Variants in ITFG1 observed in about 807,000 individuals in gnomAD.
The protein encoded by ITFG1 is T-cell immunomodulatory protein.
A neutral mutation model predicts 81.8 loss-of-function variants in ITFG1; 34 were observed. The observed-to-expected ratio is 0.42, with a 90% CI of 0.32 to 0.55. The LOEUF (loss-of-function observed/expected upper bound fraction) is 0.55. Among genes scored for constraint, ITFG1 ranks in the 20% least tolerant of loss-of-function variants. The pLI, the probability that ITFG1 is intolerant of heterozygous loss-of-function variation, is 0.17. For synonymous variants in ITFG1, 285 were observed against 270.6 expected (o/e 1.05, Z -0.52); for missense variants, 672 against 755.4 (o/e 0.89, Z 1.29).
chr16:47,338,685 G>C (rs1309558859), intron 8 of ITFG1, among the ~76,000 whole-genome samples: 1 of 148,036 alleles, frequency 6.8e-6, no homozygotes, highest in Non-Finnish European at 1.5e-5. Context: ...TTTAATTTTT[G>C]TGGGTACATA....
chr16:47,355,661 T>C (rs914229461), intron 8 of ITFG1, among the ~76,000 whole-genome samples: 8 of 152,208 alleles, frequency 5.3e-5, no homozygotes, highest in Admixed American at 3.9e-4. Flanking sequence ...AAGTATTACA[T>C]GTTAACTAAA....
intron 12 of ITFG1, among the ~76,000 whole-genome samples, chr16:47,238,805 TTTTG>T (rs1184724815): frequency 6.6e-6 from 1 of 151,562 alleles, no homozygotes. Context: ...AAATGGTTTC[TTTTG>T]TTTGTTTATA....
At position 47,180,692 on chromosome 16, in the gene ITFG1, G is replaced by T. The variant is rs572160123; in HGVS notation, c.1454-18028C>A. 5.4e-3 allele frequency among the ~76,000 whole-genome samples: 827 copies of T among 152,260 alleles called. 6 individuals carry two copies. Among genetic ancestry groups the T allele is most frequent in the Middle Eastern group, 0.01 (3 of 294 alleles). On this transcript the variant is annotated intron_variant, in intron 14 of 17. Transcript: ENST00000320640. Reference sequence around the variant, plus strand: ...AGTCTCGTTCACTCAGTGCTCAATGGTGCCCAGGCTGGGGTGCAGTGGCAT... The same window carrying T: ...AGTCTCGTTCACTCAGTGCTCAATGTTGCCCAGGCTGGGGTGCAGTGGCAT...
At chr16:47,290,020 C>T (rs1305032716) in intron 10 of ITFG1, among the ~76,000 whole-genome samples, 1 of 152,020 alleles carries the variant, frequency 6.6e-6, no homozygotes, top group East Asian at 1.9e-4. Context: ...TGCTGTTTTC[C>T]TATCTTCATT....
At chr16:47,431,942 A>G (rs979255968) in intron 5 of ITFG1, among the ~76,000 whole-genome samples, 1 of 152,152 alleles carries the variant, frequency 6.6e-6, no homozygotes, top group Non-Finnish European at 1.5e-5. Context: ...GCTCTACTCA[A>G]ATCAGCTTTC....
intron 14 of ITFG1, among the ~76,000 whole-genome samples, chr16:47,167,306 A>ATATGTTGTTACATATG (rs1964904115): frequency 6.6e-6 from 1 of 152,212 alleles, no homozygotes; most frequent in Non-Finnish European, 1.5e-5. Context: ...TGTAACTTGC[A>ATATGTTGTTACATATG]CATATACGCC....
At chr16:47,349,150 A>G (rs967468340) in intron 8 of ITFG1, among the ~76,000 whole-genome samples, 1 of 152,230 alleles carries the variant, frequency 6.6e-6, no homozygotes, top group Admixed American at 6.5e-5. Context: ...AAACTGCATC[A>G]ACTAATGAGC....
intron 14 of ITFG1, among the ~76,000 whole-genome samples, chr16:47,180,418 TC>T (rs1965092796): frequency 6.7e-6 from 1 of 149,974 alleles, no homozygotes; most frequent in African/African-American, 2.5e-5. Flanking sequence ...TTCCACGGTC[TC>T]CCTCTGATGC....
chr16:47,192,199 G>A (rs1012894380), intron 14 of ITFG1, among the ~76,000 whole-genome samples: 3 of 152,180 alleles, frequency 2.0e-5, no homozygotes, highest in African/African-American at 7.2e-5. Context: ...GCCTTTTAGT[G>A]TGGCTTGTAA....
chr16:47,357,502 C>A (rs748648991), intron 8 of ITFG1, among the ~76,000 whole-genome samples: 1 of 151,116 alleles, frequency 6.6e-6, no homozygotes, highest in African/African-American at 2.4e-5. Flanking sequence ...GTAGTCCCAG[C>A]GACCCGGGAG....
chr16:47,378,747 G>A (rs1204683082), intron 6 of ITFG1, among the ~76,000 whole-genome samples: 1 of 151,884 alleles, frequency 6.6e-6, no homozygotes, highest in African/African-American at 2.4e-5. Context: ...TCATTACACA[G>A]AGAAACAAAA....
chr16:47,364,290 C>T (rs1369370162), intron 8 of ITFG1, among the ~76,000 whole-genome samples: 1 of 152,090 alleles, frequency 6.6e-6, no homozygotes, highest in Non-Finnish European at 1.5e-5. Context: ...GTCTTATAAT[C>T]TGCATATCTT....
chr16:47,184,644 G>A (rs1000580387), intron 14 of ITFG1, among the ~76,000 whole-genome samples: 31 of 151,986 alleles, frequency 2.0e-4, no homozygotes, highest in African/African-American at 7.0e-4. Flanking sequence ...AACATGGAAA[G>A]GAACAACTGG....
chr16:47,403,273 C>T (rs1968685824), intron 6 of ITFG1, among the ~76,000 whole-genome samples: 1 of 146,544 alleles, frequency 6.8e-6, no homozygotes, highest in Non-Finnish European at 1.5e-5. Flanking sequence ...AAAAGTTAAA[C>T]ACTGTGTGGA....
intron 8 of ITFG1, among the ~76,000 whole-genome samples, chr16:47,329,947 C>T (rs1967614792): frequency 6.6e-6 from 1 of 152,072 alleles, no homozygotes. Context: ...GGTGACACTA[C>T]AATATCAAAG....
chr16:47,183,927 C>A (rs1358800798), intron 14 of ITFG1, among the ~76,000 whole-genome samples: 3 of 152,060 alleles, frequency 2.0e-5, no homozygotes, highest in African/African-American at 7.2e-5. Flanking sequence ...ATAACCAATA[C>A]AGAGAAGTGC....
At chr16:47,274,775 G>T (rs984629820) in intron 10 of ITFG1, among the ~76,000 whole-genome samples, 1 of 152,160 alleles carries the variant, frequency 6.6e-6, no homozygotes, top group Admixed American at 6.5e-5. Context: ...CTAACAAGCT[G>T]TTGAAGACGT....
intron 8 of ITFG1, among the ~76,000 whole-genome samples, chr16:47,322,619 G>C (rs1279681725): frequency 6.6e-6 from 1 of 152,158 alleles, no homozygotes; most frequent in Non-Finnish European, 1.5e-5. Context: ...GAACCCAGGA[G>C]ACGGAGGTTG....
chr16:47,421,043 A>G (rs2151606556), intron 6 of ITFG1, among the ~76,000 whole-genome samples: 1 of 152,026 alleles, frequency 6.6e-6, no homozygotes, highest in Non-Finnish European at 1.5e-5. Context: ...ATTACCTTTC[A>G]TCGAATATAA....
Sources: gnomAD v4.1 joint callset for allele counts (sites outside exome capture counted in the v4.1 genomes callset) on GRCh38, gnomAD v4.1.1 for gene constraint, MANE v1.5 for transcripts, NCBI Gene and HGNC (gene_info 2026-07-23, HGNC 2026-07-21) for gene names.